The following PLXNB1 variants were observed in gnomAD, a reference collection of about 807,000 sequenced individuals.
PLXNB1 encodes plexin-B1.
A neutral mutation model predicts 209.4 loss-of-function variants in PLXNB1; 106 were observed. That is an observed-to-expected ratio of 0.51 (90% CI 0.43 to 0.59). The LOEUF (loss-of-function observed/expected upper bound fraction) is 0.59. Ranked by LOEUF, PLXNB1 falls within the 20% of genes least tolerant of loss-of-function variation. PLXNB1 has a pLI of 0.00. For synonymous variants in PLXNB1, 1,167 were observed against 1,183.2 expected (o/e 0.99, Z 0.28); for missense variants, 2,357 against 2,853.2 (o/e 0.83, Z 3.96).
At position 48,412,849 on chromosome 3, in the gene PLXNB1, A is replaced by T; in HGVS notation, c.4747T>A (p.Ser1583Thr). 6.2e-7 allele frequency: 1 copy of T among 1,613,472 alleles called. No homozygotes were observed. The highest frequency in any genetic ancestry group is 1.7e-5 in the Admixed American group (1 of 60,000). Reference sequence around the variant, plus strand: ...ACACCCAGGTCCCGGTGCAAGGGCGACTCGCGGTGCCCAGGGAAGAAGATC... The same window carrying T: ...ACACCCAGGTCCCGGTGCAAGGGCGTCTCGCGGTGCCCAGGGAAGAAGATC... ...ERIFFPGHRE[S>T]PLHRDLGVPE... The change falls in exon 25 of 38, where the codon TCG (serine) becomes ACG (threonine). Residue 1583 changes from serine to threonine, a missense_variant. Coordinates refer to ENST00000296440, the MANE Select transcript of PLXNB1 (RefSeq NM_001130082.3).
intron 1 of PLXNB1, among the ~76,000 whole-genome samples, chr3:48,426,167 A>G (rs2038882802): frequency 6.6e-6 from 1 of 152,198 alleles, no homozygotes; most frequent in Non-Finnish European, 1.5e-5. Context: ...ATGTGGGGTA[A>G]GTGGAGTGTG....
chr3:48,417,799 G>T lies in PLXNB1; in HGVS notation c.3374+112C>A. ...ACTCGGGCATTGTGGCCAGGATCAA[G>T]GAACAGGGAGAGAGGGGGGCAGATG... On this transcript the variant is annotated intron_variant, in intron 16 of 37. Transcript: ENST00000296440. The surrounding 1 kb of genome is among the most constrained non-coding windows in gnomAD (Gnocchi z 4.4). 8.3e-7 allele frequency: 1 copy of T among 1,203,500 alleles called. No homozygotes were observed. Among genetic ancestry groups the T allele is most frequent in the Non-Finnish European group, 1.2e-6 (1 of 851,628 alleles). The allele number at this position is 1,203,500 out of a possible 1,614,324, so 74.6% of individuals were successfully genotyped here.
Position 48,413,939 on chromosome 3 carries a change from G to A in PLXNB1, c.4342C>T (p.His1448Tyr). 8 of 1,612,938 alleles carry A rather than the reference G, an allele frequency of 5.0e-6. No individual in the cohort carries two copies. The highest frequency in any genetic ancestry group is 6.8e-6 in the Non-Finnish European group (8 of 1,179,516). Residue 1448 changes from histidine to tyrosine, a missense_variant, in exon 22 of 38, where the codon CAC becomes TAC. His to Tyr is a moderately conservative substitution (Grantham distance 83). Coordinates refer to ENST00000296440, the MANE Select transcript of PLXNB1 (RefSeq NM_001130082.3). This position sits in a 1 kb window ranked among gnomAD's most constrained non-coding sequence, Gnocchi z 5.4. ...TCAGGTGCCTCTCGGAGGGCATGGT[G>A]CCGTGGCAGGGGCTGCTCCACGGGG... is the stretch of plus-strand genomic sequence containing the variant. ...EPPVEQPLPR[H>Y]HALREAPDSL...
chr3:48,408,815 T>C (rs1020556107), intron 34 of PLXNB1, among the ~76,000 whole-genome samples: 10 of 152,134 alleles, frequency 6.6e-5, no homozygotes, highest in Non-Finnish European at 1.5e-4. Context: ...CCCCTCCTTC[T>C]TCCTCATCCC....
rs780783476 is a variant in PLXNB1, at chr3:48,415,219, G to T, written c.3923C>A (p.Pro1308Gln). 1.6e-5 allele frequency: 26 copies of T among 1,613,462 alleles called. No homozygotes were observed. The highest frequency in any genetic ancestry group is 2.2e-5 in the Non-Finnish European group (26 of 1,180,010). The change falls in exon 20 of 38, where the codon CCG becomes CAG. Residue 1308 changes from proline to glutamine, a missense_variant. Physicochemically the swap from Pro to Gln is moderately conservative, Grantham distance 76. Around this residue, in one of 7 missense-constraint regions of PLXNB1, gnomAD observed 743 missense variants for 896.2 expected, o/e 0.83. Coordinates refer to ENST00000296440, the MANE Select transcript of PLXNB1 (RefSeq NM_001130082.3). This position sits in a 1 kb window ranked among gnomAD's most constrained non-coding sequence, Gnocchi z 5.0. ...QGLGRRRRVVPETACSLGPSC... is the reference protein window; with the variant it reads ...QGLGRRRRVVQETACSLGPSC... ...GGGTCCAAGGGAACATGCCGTCTCC[G>T]GGACCACGCGACGCCTCCGTCCAAG...
Position 48,409,871 on chromosome 3 carries a change from C to A in PLXNB1, c.5778+34G>T. On this transcript the variant is annotated intron_variant, in intron 32 of 37. Coordinates refer to ENST00000296440, the MANE Select transcript of PLXNB1 (RefSeq NM_001130082.3). This position sits in a 1 kb window ranked among gnomAD's most constrained non-coding sequence, Gnocchi z 5.8. Reference sequence around the variant, plus strand: ...CACGAGTGGCCATGCTCCCTCTCAGCCCAGGCCCCACTACCTTGGCAGCCC... The same window carrying A: ...CACGAGTGGCCATGCTCCCTCTCAGACCAGGCCCCACTACCTTGGCAGCCC... The A allele has an allele frequency of 6.3e-7, 1 of 1,579,570 alleles. No homozygotes were observed. Among genetic ancestry groups the A allele is most frequent in the Non-Finnish European group, 8.6e-7 (1 of 1,166,268 alleles).
chr3:48,424,962 G>A (rs1267180653), intron 2 of PLXNB1, among the ~76,000 whole-genome samples: 2 of 152,200 alleles, frequency 1.3e-5, no homozygotes, highest in Non-Finnish European at 2.9e-5. Context: ...GGGCAGAAGA[G>A]CAGGTGATGG....
At chr3:48,404,644 T>A in intron 37 of PLXNB1, 54 bp from the exon 38 acceptor site, 2 of 1,278,890 alleles carry the variant, frequency 1.6e-6, no homozygotes, top group Non-Finnish European at 2.2e-6. Context: ...ACGTGTTTGC[T>A]GCAAAATTCA....
In PLXNB1 at chr3:48,423,911, C is replaced by T; in HGVS notation, c.701G>A (p.Arg234Gln). Reference protein sequence around the residue: ...RGASAYFLFLRRDLQAQSRAF... With the variant: ...RGASAYFLFLQRDLQAQSRAF... ...TCTAGACTGAGCCTGCAGGTCCCGC[C>T]GCAGGAACAGGAAGTAGGCGCTGGC... Residue 234 changes from arginine to glutamine, a missense_variant, in exon 3 of 38, where the codon CGG becomes CAG. This residue lies in a region of PLXNB1 where 404 missense variants were observed against 443.6 expected (regional missense o/e 0.91). Transcript: ENST00000296440. 1.9e-6 allele frequency: 3 copies of T among 1,614,138 alleles called. No individual in the cohort carries two copies. The highest frequency in any genetic ancestry group is 1.3e-5 in the African/African-American group (1 of 75,058).
chr3:48,420,105 C>T lies in PLXNB1; in HGVS notation c.2181G>A (p.Gly727=). Residue 727 remains glycine, a synonymous_variant, in exon 11 of 38, where the codon GGG becomes GGA. Coordinates refer to ENST00000296440, the MANE Select transcript of PLXNB1 (RefSeq NM_001130082.3). The stretch of plus-strand genomic sequence containing the variant: ...AGGGGCTGAGCAGGGAAGGACTAGC[C>T]CCAGGTGAGATGTCCGAAGCTGTGG... The part of the protein sequence containing the change: ...STATASDISP[G]ASPSLLSPWG... The T allele has an allele frequency of 6.2e-7, 1 of 1,613,340 alleles. No homozygotes were observed. Among genetic ancestry groups the T allele is most frequent in the African/African-American group, 1.3e-5 (1 of 75,016 alleles).
rs2037888094 is a variant in PLXNB1, at chr3:48,413,991, C to T, written c.4290G>A (p.Leu1430=). The T allele has an allele frequency of 1.9e-6, 3 of 1,613,828 alleles. No individual in the cohort carries two copies. The highest frequency in any genetic ancestry group is 1.3e-5 in the African/African-American group (1 of 75,052). ...GCTCGCAGTACAGGTGGTGCCGCGTCAGCGTCTTCACCACACAGGGGCCAT... is the reference window on the plus strand; with the variant it reads ...GCTCGCAGTACAGGTGGTGCCGCGTTAGCGTCTTCACCACACAGGGGCCAT... ...IGDGPCVVKT[L]TRHHLYCEPP... Residue 1430 remains leucine (L), a synonymous_variant, in exon 22 of 38, where the codon CTG becomes CTA. Coordinates refer to ENST00000296440, the MANE Select transcript of PLXNB1 (RefSeq NM_001130082.3). The surrounding 1 kb of genome is among the most constrained non-coding windows in gnomAD (Gnocchi z 5.4).
At position 48,405,681 on chromosome 3, in the gene PLXNB1, G is replaced by T; in HGVS notation, c.6303+43C>A. On this transcript the variant is annotated intron_variant, in intron 37 of 37. Coordinates refer to ENST00000296440, the MANE Select transcript of PLXNB1 (RefSeq NM_001130082.3). This position sits in a 1 kb window ranked among gnomAD's most constrained non-coding sequence, Gnocchi z 5.0. ...TCAGAGCCCCTTAAGTCTCCTGGGA[G>T]GCCTTGGGTCAGCCTCCCAGTCGGG... The T allele has an allele frequency of 6.7e-7, 1 of 1,493,986 alleles. No individual in the cohort carries two copies. The highest frequency in any genetic ancestry group is 1.1e-5 in the South Asian group (1 of 87,732). The allele number at this position is 1,493,986 out of a possible 1,614,324, so 92.5% of individuals were successfully genotyped here.
At chr3:48,414,104 G>T (rs1422992819) in intron 21 of PLXNB1, 33 bp from the exon 22 acceptor site, 5 of 1,608,098 alleles carry the variant, frequency 3.1e-6, no homozygotes, top group Non-Finnish European at 4.3e-6. Context: ...AGTCACTCAG[G>T]ACCCTTCCCT....
chr3:48,419,703 G>C lies in PLXNB1; in HGVS notation c.2583C>G (p.Pro861=), dbSNP rs142446170. 9.2e-5 allele frequency: 149 copies of C among 1,612,354 alleles called. No homozygotes were observed. In the African/African-American group the frequency reaches 1.9e-3, roughly 20 times the overall value. Reference sequence around the variant, plus strand: ...AGAGGAGGGTGGAAGTGGAGAAGGCGGGTGCGTCACCCCCCGTCCACTCGT... The same window carrying C: ...AGAGGAGGGTGGAAGTGGAGAAGGCCGGTGCGTCACCCCCCGTCCACTCGT... The part of the protein sequence containing the change: ...EADEWTGGDA[P]AFSTSTLLSG... Residue 861 remains proline (P), a synonymous_variant, in exon 11 of 38, where the codon CCC becomes CCG. Coordinates refer to ENST00000296440, the MANE Select transcript of PLXNB1 (RefSeq NM_001130082.3). This position sits in a 1 kb window ranked among gnomAD's most constrained non-coding sequence, Gnocchi z 5.7.
At chr3:48,408,003 T>C (rs1300733234) in intron 34 of PLXNB1, among the ~76,000 whole-genome samples, 1 of 152,104 alleles carries the variant, frequency 6.6e-6, no homozygotes, top group Non-Finnish European at 1.5e-5. Flanking sequence ...TGGACAGAAC[T>C]TTCCGTTTTT....
In PLXNB1 at chr3:48,415,815, C is replaced by G. The variant is rs1291487348; in HGVS notation, c.3618-56G>C. 1 of 1,491,606 alleles carries G rather than the reference C, an allele frequency of 6.7e-7. No homozygotes were observed. Among genetic ancestry groups the G allele is most frequent in the African/African-American group, 1.4e-5 (1 of 72,048 alleles). The allele number at this position is 1,491,606 out of a possible 1,614,324, so 92.4% of individuals were successfully genotyped here. A position where few individuals can be genotyped will look rare whatever the true frequency, so the allele number is the denominator to read the frequency against. On this transcript the variant is annotated intron_variant, in intron 18 of 37. Coordinates refer to ENST00000296440, the MANE Select transcript of PLXNB1 (RefSeq NM_001130082.3). This position sits in a 1 kb window ranked among gnomAD's most constrained non-coding sequence, Gnocchi z 5.0. ...GCGCAGGCAGGGAAAACTTGGACCA[C>G]TCAGGCCCCAACTGGCTTCCCTCAA...
chr3:48,415,904 G>A lies in PLXNB1; in HGVS notation c.3617+127C>T. 7.4e-7 allele frequency: 1 copy of A among 1,348,570 alleles called. No homozygotes were observed. 83.5% of individuals were successfully genotyped at this position (1,348,570 alleles called of 1,614,324 possible). ...CACTCCCACCACAGCTGGCTAGGGA[G>A]GGTCTGGCCACTCTCTGAAGGAGCA... On this transcript the variant is annotated intron_variant, in intron 18 of 37. Transcript: ENST00000296440. This position sits in a 1 kb window ranked among gnomAD's most constrained non-coding sequence, Gnocchi z 5.0.
At position 48,424,476 on chromosome 3, in the gene PLXNB1, T is replaced by A. The variant is rs1243083358; in HGVS notation, c.136A>T (p.Thr46Ser). The A allele has an allele frequency of 6.2e-7, 1 of 1,601,272 alleles. No individual in the cohort carries two copies. The highest frequency in any genetic ancestry group is 8.5e-7 in the Non-Finnish European group (1 of 1,174,066). ...QHLARDPTSG[T>S]LYLGATNFLF... The stretch of plus-strand genomic sequence containing the variant: ...AAGTTGGTAGCCCCCAGGTAGAGGG[T>A]GCCTGAGGTGGGGTCCCTTGCCAGG... Residue 46 changes from threonine (T) to serine (S), a missense_variant, in exon 3 of 38, where the codon ACC (threonine) becomes TCC (serine). By Grantham distance (58) the Thr-to-Ser change is moderately conservative (BLOSUM62 1). Coordinates refer to ENST00000296440, the MANE Select transcript of PLXNB1 (RefSeq NM_001130082.3).
At position 48,418,095 on chromosome 3, in the gene PLXNB1, C is replaced by G. The variant is rs2106879369; in HGVS notation, c.3223-33G>C. ...AGGACAAGGACTGCTCACCTCTACT[C>G]AACTGGAAAGGCAGCCCCAACCTCC... On this transcript the variant is annotated intron_variant, in intron 15 of 37. Transcript: ENST00000296440. This position sits in a 1 kb window ranked among gnomAD's most constrained non-coding sequence, Gnocchi z 6.6. The G allele has an allele frequency of 6.2e-7, 1 of 1,608,392 alleles. No homozygotes were observed. The highest frequency in any genetic ancestry group is 2.2e-5 in the East Asian group (1 of 44,780).
Sources: gnomAD v4.1 joint callset for allele counts (sites outside exome capture counted in the v4.1 genomes callset) on GRCh38, gnomAD v4.1.1 for gene constraint, gnomAD v4.1.1 regional missense constraint, Gnocchi (gnomAD v3.1) non-coding constraint, MANE v1.5 for transcripts, NCBI Gene and HGNC (gene_info 2026-07-23, HGNC 2026-07-21) for gene names.